The following GATAD2B variants were observed in gnomAD, a reference collection of about 807,000 sequenced individuals.
The protein encoded by GATAD2B is transcriptional repressor p66-beta.
In GATAD2B, 8 loss-of-function variants were observed where a neutral mutation model predicts 64.3. The observed-to-expected ratio is 0.12, with a 90% CI of 0.07 to 0.22. The LOEUF (loss-of-function observed/expected upper bound fraction) is 0.22, where lower values mean the gene tolerates loss of function less well. GATAD2B is among the 10% of genes least tolerant of loss of function. GATAD2B has a pLI of 1.00. For synonymous variants in GATAD2B, 281 were observed against 271.3 expected (o/e 1.04, Z -0.35); for missense variants, 453 against 752.0 (o/e 0.60, Z 4.65).
chr1:153,912,405 T>C (rs940301341), intron 1 of GATAD2B, among the ~76,000 whole-genome samples: 2 of 145,156 alleles, frequency 1.4e-5, no homozygotes, highest in Non-Finnish European at 3.1e-5. Context: ...AGAATTACTA[T>C]CTGAATTATA....
intron 1 of GATAD2B, among the ~76,000 whole-genome samples, chr1:153,918,251 C>T (rs1486780567): frequency 1.3e-5 from 2 of 152,212 alleles, no homozygotes; most frequent in East Asian, 3.8e-4. Context: ...AAATTAGTAG[C>T]ATTACCCAAA....
Position 153,828,316 on chromosome 1 carries a change from A to G in GATAD2B, c.32T>C (p.Leu11Ser). Residue 11 changes from leucine (L) to serine (S), a missense_variant, in exon 2 of 11, where the codon TTG (leucine) becomes TCG (serine). Coordinates refer to ENST00000368655, the MANE Select transcript of GATAD2B (RefSeq NM_020699.4). ...GTCCAAGCTCCGCTTCAACAGATTC[A>G]AGCGAAGAGCATCTTCTGTCATTCT... MDRMTEDALR[L>S]NLLKRSLDPA... 1 of 1,611,820 alleles carries G rather than the reference A, an allele frequency of 6.2e-7. No individual in the cohort carries two copies. Among genetic ancestry groups the G allele is most frequent in the Non-Finnish European group, 8.5e-7 (1 of 1,179,942 alleles).
At chr1:153,840,021 ACTTT>A (rs1319513667) in intron 1 of GATAD2B, among the ~76,000 whole-genome samples, 13 of 145,638 alleles carry the variant, frequency 8.9e-5, no homozygotes, top group East Asian at 2.0e-4. Flanking sequence ...AAATGAAAAT[ACTTT>A]CTTTTTTTTT....
intron 1 of GATAD2B, among the ~76,000 whole-genome samples, chr1:153,916,188 GAACA>G (rs1188521206): frequency 1.3e-5 from 2 of 148,554 alleles, no homozygotes; most frequent in African/African-American, 5.0e-5. Flanking sequence ...GGCTGAAGCA[GAACA>G]ATCACTTGAA....
At chr1:153,873,701 T>C (rs1276917330) in intron 1 of GATAD2B, among the ~76,000 whole-genome samples, 2 of 152,066 alleles carry the variant, frequency 1.3e-5, no homozygotes, top group African/African-American at 4.8e-5. Context: ...CCAGCACTTT[T>C]GAGAGGCCAA....
chr1:153,881,684 C>T (rs1430804736), intron 1 of GATAD2B, among the ~76,000 whole-genome samples: 7 of 152,034 alleles, frequency 4.6e-5, no homozygotes, highest in Admixed American at 3.9e-4. Context: ...TACATTTTTC[C>T]GTTCCTTCCT....
intron 1 of GATAD2B, among the ~76,000 whole-genome samples, chr1:153,840,861 C>T (rs1570948694): frequency 6.6e-6 from 1 of 152,106 alleles, no homozygotes; most frequent in East Asian, 1.9e-4. Context: ...CACGGTGGCT[C>T]ACGCCTGTAA....
At chr1:153,870,933 G>A (rs1676646019) in intron 1 of GATAD2B, among the ~76,000 whole-genome samples, 1 of 152,090 alleles carries the variant, frequency 6.6e-6, no homozygotes, top group Non-Finnish European at 1.5e-5. Flanking sequence ...TTTTCCCCAA[G>A]ACGGAGTCTT....
intron 1 of GATAD2B, among the ~76,000 whole-genome samples, chr1:153,840,728 T>C (rs1326048997): frequency 6.6e-6 from 1 of 152,124 alleles, no homozygotes; most frequent in African/African-American, 2.4e-5. Flanking sequence ...AAGCAGAAAA[T>C]TTTCATTTTT....
chr1:153,845,914 T>C (rs890330542), intron 1 of GATAD2B, among the ~76,000 whole-genome samples: 2 of 151,332 alleles, frequency 1.3e-5, no homozygotes, highest in African/African-American at 2.4e-5. Context: ...CACTGGATAA[T>C]AGAGCAAGAC....
chr1:153,861,809 T>TATATATATATATAC (rs1294838675), intron 1 of GATAD2B, among the ~76,000 whole-genome samples: 10 of 122,170 alleles, frequency 8.2e-5, no homozygotes, highest in African/African-American at 2.7e-4. Context: ...TATATATATA[T>TATATATATATATAC]ACACATATGT....
At chr1:153,859,638 C>G (rs1430758381) in intron 1 of GATAD2B, among the ~76,000 whole-genome samples, 5 of 150,160 alleles carry the variant, frequency 3.3e-5, no homozygotes, top group Non-Finnish European at 7.4e-5. Flanking sequence ...CCACTCCACT[C>G]CAGCCTGGGT....
At chr1:153,822,082 G>A (rs1674703029) in intron 2 of GATAD2B, among the ~76,000 whole-genome samples, 1 of 151,936 alleles carries the variant, frequency 6.6e-6, no homozygotes, top group Non-Finnish European at 1.5e-5. Context: ...TCAGGAGGCT[G>A]AAGCACAAGA....
At chr1:153,844,836 C>G (rs1030901786) in intron 1 of GATAD2B, among the ~76,000 whole-genome samples, 1 of 150,402 alleles carries the variant, frequency 6.6e-6, no homozygotes, top group Non-Finnish European at 1.5e-5. Context: ...TGGGTGCAGC[C>G]CACCAGCATG....
At chr1:153,811,643 G>A (rs560769649) in intron 10 of GATAD2B, 88 bp downstream of exon 10, 3 of 814,758 alleles carry the variant, frequency 3.7e-6, no homozygotes, top group Admixed American at 4.2e-5. Context: ...GAAAGTAAAG[G>A]AACAATTCCC....
chr1:153,913,080 C>T (rs1213472402), intron 1 of GATAD2B, among the ~76,000 whole-genome samples: 3 of 151,988 alleles, frequency 2.0e-5, no homozygotes, highest in African/African-American at 2.4e-5. Flanking sequence ...AAGAGTGAGA[C>T]TCCGTCTCTA....
chr1:153,883,702 CTTTTT>C (rs553077514), intron 1 of GATAD2B, among the ~76,000 whole-genome samples: 1 of 144,348 alleles, frequency 6.9e-6, no homozygotes. Context: ...CTGCACTGGT[CTTTTT>C]TTTTTTTCTT....
At chr1:153,902,137 G>C (rs1198901582) in intron 1 of GATAD2B, among the ~76,000 whole-genome samples, 1 of 151,918 alleles carries the variant, frequency 6.6e-6, no homozygotes, top group Non-Finnish European at 1.5e-5. Flanking sequence ...AAAATTAGCT[G>C]GGCATGGTGG....
rs1674468732 is a variant in GATAD2B, at chr1:153,816,044, C to A, written c.1216+229G>T. ...CTCCAGCCTGGGCAACAGAGCGAGA[C>A]TGCATCTCAAACAAAACACACACAC... On this transcript the variant is annotated intron_variant, in intron 7 of 10. Coordinates refer to ENST00000368655, the MANE Select transcript of GATAD2B (RefSeq NM_020699.4). This position sits in a 1 kb window ranked among gnomAD's most constrained non-coding sequence, Gnocchi z 4.9. Among the ~76,000 whole-genome samples the A allele has an allele frequency of 7.3e-6, 1 of 137,432 alleles. No individual in the cohort carries two copies. The highest frequency in any genetic ancestry group is 1.6e-5 in the Non-Finnish European group (1 of 64,442). 90.2% of individuals were successfully genotyped at this position (137,432 alleles called of 152,430 possible).
Sources: allele counts gnomAD v4.1 joint callset (sites outside exome capture counted in the v4.1 genomes callset), GRCh38; gene constraint gnomAD v4.1.1; non-coding constraint Gnocchi (gnomAD v3.1); transcripts MANE v1.5; gene names NCBI Gene and HGNC (gene_info 2026-07-23, HGNC 2026-07-21).